The following NRXN1 variants were observed in gnomAD, a reference collection of about 807,000 sequenced individuals.
The protein encoded by NRXN1 is neurexin 1.
Under a neutral mutation model 150.9 loss-of-function variants are expected in NRXN1, and 39 were observed. That is an observed-to-expected ratio of 0.26 (90% confidence interval 0.20 to 0.34). NRXN1 has a LOEUF of 0.34. Ranked by LOEUF, NRXN1 falls within the 10% of genes least tolerant of loss-of-function variation. The probability of loss-of-function intolerance (pLI) is 1.00; values close to 1 mark genes in which losing one functional copy is unlikely to be tolerated. For missense variants in NRXN1, 1,815 were observed against 1,949.9 expected (o/e 0.93, Z 1.30); for synonymous variants, 924 against 757.0 (o/e 1.22, Z -3.62).
chr2:50,542,488 T>A (rs766514512), intron 9 of NRXN1, among the ~76,000 whole-genome samples: 2 of 152,200 alleles, frequency 1.3e-5, no homozygotes, highest in Non-Finnish European at 2.9e-5. Flanking sequence ...CAAACAGACA[T>A]CATAGGATGA....
At position 50,141,844 on chromosome 2, in the gene NRXN1, T is replaced by C. The variant is rs572935923; in HGVS notation, c.3547-50350A>G. ...GTGGAGAAAAGGCAATTCTTACACATTGTTGGTGGGGATGTAAATTAGTAC... is the reference window on the plus strand; with the variant it reads ...GTGGAGAAAAGGCAATTCTTACACACTGTTGGTGGGGATGTAAATTAGTAC... On this transcript the variant is annotated intron_variant, in intron 18 of 22. Coordinates refer to ENST00000401669, the MANE Select transcript of NRXN1 (RefSeq NM_001330078.2). 1.2e-4 allele frequency among the ~76,000 whole-genome samples: 18 copies of C among 152,096 alleles called. No homozygotes were observed. In the South Asian group the frequency reaches 3.7e-3, roughly 32 times the overall value.
intron 5 of NRXN1, among the ~76,000 whole-genome samples, chr2:50,868,632 A>G (rs934017877): frequency 6.6e-6 from 1 of 151,928 alleles, no homozygotes; most frequent in Non-Finnish European, 1.5e-5. Flanking sequence ...GCATATTATC[A>G]TAATTTATTG....
intron 2 of NRXN1, among the ~76,000 whole-genome samples, chr2:50,968,247 C>A (rs1329602737): frequency 1.3e-5 from 2 of 152,046 alleles, no homozygotes; most frequent in Non-Finnish European, 2.9e-5. Context: ...ATATGATCCA[C>A]ATCTCAAAGT....
intron 12 of NRXN1, among the ~76,000 whole-genome samples, chr2:50,514,206 G>C (rs1379344792): frequency 4.6e-5 from 7 of 152,136 alleles, no homozygotes; most frequent in African/African-American, 1.7e-4. Context: ...ACAGATGATG[G>C]ACAGGCAGGA....
intron 5 of NRXN1, among the ~76,000 whole-genome samples, chr2:50,782,337 G>A (rs2105524693): frequency 6.6e-6 from 1 of 152,158 alleles, no homozygotes; most frequent in East Asian, 1.9e-4. Context: ...AGGTGTGGTG[G>A]CTCATGCTTG....
intron 17 of NRXN1, among the ~76,000 whole-genome samples, chr2:50,395,140 C>T (rs902946859): frequency 4.0e-5 from 6 of 151,610 alleles, no homozygotes; most frequent in Admixed American, 2.0e-4. Flanking sequence ...TATTGATATT[C>T]TCCAATAGAA....
intron 5 of NRXN1, among the ~76,000 whole-genome samples, chr2:50,747,708 T>C (rs1700169385): frequency 6.6e-6 from 1 of 152,146 alleles, no homozygotes; most frequent in South Asian, 2.1e-4. Flanking sequence ...CAGGATTTTC[T>C]ACATGAGTAA....
At chr2:50,422,308 T>G (rs1383800741) in intron 17 of NRXN1, among the ~76,000 whole-genome samples, 1 of 152,146 alleles carries the variant, frequency 6.6e-6, no homozygotes, top group Non-Finnish European at 1.5e-5. Flanking sequence ...CCATGAATTC[T>G]AACTATAGCC....
chr2:50,354,518 T>A (rs1304177920), intron 17 of NRXN1, among the ~76,000 whole-genome samples: 1 of 146,490 alleles, frequency 6.8e-6, no homozygotes, highest in Non-Finnish European at 1.5e-5. Flanking sequence ...TGTGTGTGTA[T>A]CTATATATAC....
At chr2:50,819,000 T>C (rs1012496045) in intron 5 of NRXN1, among the ~76,000 whole-genome samples, 5 of 152,036 alleles carry the variant, frequency 3.3e-5, no homozygotes, top group African/African-American at 9.7e-5. Flanking sequence ...CCTGTTACGA[T>C]GGCCATAACC....
rs113028018 is a variant in NRXN1 at position 50,620,012 on chromosome 2, C to T, written c.1320+10G>A. 33 of 1,557,090 alleles carry T rather than the reference C, an allele frequency of 2.1e-5. No individual in the cohort carries two copies. The highest frequency in any genetic ancestry group is 8.6e-5 in the South Asian group (7 of 81,348). On this transcript the variant is annotated intron_variant, in intron 8 of 22. Coordinates refer to ENST00000401669, the MANE Select transcript of NRXN1 (RefSeq NM_001330078.2). Reference sequence around the variant, plus strand: ...GAATTAGGAATGATTCTGATGGCAACGATATTTACCTCTTTGAGACAGCCC... The same window carrying T: ...GAATTAGGAATGATTCTGATGGCAATGATATTTACCTCTTTGAGACAGCCC...
At chr2:50,943,062 T>C (rs988733474) in intron 2 of NRXN1, among the ~76,000 whole-genome samples, 2 of 152,018 alleles carry the variant, frequency 1.3e-5, no homozygotes, top group Non-Finnish European at 2.9e-5. Context: ...GGAGATCTGG[T>C]TGTTTGATAA....
At chr2:50,581,188 A>C (rs1372584971) in intron 8 of NRXN1, among the ~76,000 whole-genome samples, 1 of 152,170 alleles carries the variant, frequency 6.6e-6, no homozygotes, top group Non-Finnish European at 1.5e-5. Context: ...TATTTCTTGA[A>C]TTCTATTGTC....
chr2:50,607,463 T>A (rs1416953649), intron 8 of NRXN1, among the ~76,000 whole-genome samples: 1 of 152,160 alleles, frequency 6.6e-6, no homozygotes, highest in African/African-American at 2.4e-5. Context: ...AATCCCCAAC[T>A]GTCCAATTTA....
intron 17 of NRXN1, among the ~76,000 whole-genome samples, chr2:50,277,385 C>T (rs1474171141): frequency 6.7e-6 from 1 of 149,340 alleles, no homozygotes; most frequent in Non-Finnish European, 1.5e-5. Flanking sequence ...AAGGTCCGTC[C>T]TTCCTTCCTT....
intron 5 of NRXN1, among the ~76,000 whole-genome samples, chr2:50,826,719 T>C (rs762905430): frequency 3.3e-5 from 5 of 152,142 alleles, no homozygotes; most frequent in East Asian, 1.9e-4. Flanking sequence ...GCAGAAATTA[T>C]GAACTAGAAA....
At chr2:50,564,403 T>C (rs1271189335) in intron 8 of NRXN1, among the ~76,000 whole-genome samples, 1 of 152,204 alleles carries the variant, frequency 6.6e-6, no homozygotes, top group African/African-American at 2.4e-5. Flanking sequence ...TGTAAAGTAA[T>C]CACACTCAAA....
chr2:50,023,343 A>C (rs573944374), intron 21 of NRXN1: 1 of 152,276 alleles, frequency 6.6e-6, no homozygotes, highest in African/African-American at 2.4e-5. Flanking sequence ...ATGTGCTGTA[A>C]GATATAAAGA....
chr2:50,073,392 T>A (rs1246308779), intron 19 of NRXN1, among the ~76,000 whole-genome samples: 1 of 152,180 alleles, frequency 6.6e-6, no homozygotes, highest in African/African-American at 2.4e-5. Context: ...TTCACTGGGA[T>A]TACCTCTCCT....
Sources: allele counts gnomAD v4.1 joint callset (sites outside exome capture counted in the v4.1 genomes callset), GRCh38; gene constraint gnomAD v4.1.1; transcripts MANE v1.5; gene names NCBI Gene and HGNC (gene_info 2026-07-23, HGNC 2026-07-21).